The following MID2 variants were observed in gnomAD, a reference collection of about 807,000 sequenced individuals.
MID2 encodes midline 2, also known as probable E3 ubiquitin-protein ligase MID2.
In MID2, 13 loss-of-function variants were observed where a neutral mutation model predicts 46.1. The observed-to-expected ratio is 0.28, with a 90% CI of 0.18 to 0.45. The LOEUF is 0.45. Among genes scored for constraint, MID2 ranks in the 20% least tolerant of loss-of-function variants. The pLI is 1.00. For missense variants in MID2, 431 were observed against 575.4 expected, an observed-to-expected ratio of 0.75 and a Z score of 2.57; for synonymous variants, 199 against 212.3, an observed-to-expected ratio of 0.94 and a Z score of 0.55.
intron 3 of MID2, among the ~76,000 whole-genome samples, chrX:107,873,890 G>A (rs924463652): frequency 6.3e-5 from 7 of 111,955 alleles, no homozygotes; most frequent in Admixed American, 4.7e-4. Context: ...AGTGGCATGG[G>A]CACAGAGGAC....
At position 107,928,218 on chromosome X, in the gene MID2, C is replaced by T. The variant is rs1428526922; in HGVS notation, c.*1145C>T. 9.0e-6 allele frequency among the ~76,000 whole-genome samples: 1 copy of T among 111,694 alleles called. No individual in the cohort carries two copies. The highest frequency in any genetic ancestry group is 1.9e-5 in the Non-Finnish European group (1 of 53,116). On this transcript the variant is annotated 3_prime_UTR_variant, in exon 10 of 10. Coordinates refer to ENST00000262843, the MANE Select transcript of MID2 (RefSeq NM_012216.4). ...AATGTACTTGCTTTTTCAGATAAAA[C>T]ACTTCTGAAGTGCTCAAGAATGTCT...
intron 2 of MID2, among the ~76,000 whole-genome samples, chrX:107,846,763 T>C (rs775807662): frequency 8.9e-6 from 1 of 112,112 alleles, no homozygotes; most frequent in East Asian, 2.8e-4. Flanking sequence ...AGCAAGTAGA[T>C]ACTCCTATTA....
chrX:107,897,921 T>C (rs1330776235), intron 3 of MID2, among the ~76,000 whole-genome samples: 3 of 112,201 alleles, frequency 2.7e-5, no homozygotes, highest in Non-Finnish European at 3.8e-5. Context: ...TCATCAGATG[T>C]CCAATTTACC....
intron 3 of MID2, among the ~76,000 whole-genome samples, chrX:107,880,950 G>C (rs771765946): frequency 8.9e-6 from 1 of 112,857 alleles, no homozygotes; most frequent in African/African-American, 3.2e-5. Context: ...TTTCAAAATT[G>C]TATCTTTTTT....
intron 2 of MID2, among the ~76,000 whole-genome samples, chrX:107,843,048 C>G (rs1274555028): frequency 1.8e-5 from 2 of 112,026 alleles, no homozygotes; most frequent in Admixed American, 1.9e-4. Flanking sequence ...CACAACTGTA[C>G]ATTTCGTGGT....
At position 107,914,701 on chromosome X, in the gene MID2, A is replaced by G. The variant is rs180719220; in HGVS notation, c.1074-1301A>G. Among the ~76,000 whole-genome samples the G allele has an allele frequency of 1.5e-4, 17 of 112,393 alleles. No individual in the cohort carries two copies. In the East Asian group the frequency reaches 4.7e-3, roughly 31 times the overall value. On this transcript the variant is annotated intron_variant, in intron 5 of 9. Coordinates refer to ENST00000262843, the MANE Select transcript of MID2 (RefSeq NM_012216.4). ...TTGGCTCTGATTTAGAAGATCTTGC[A>G]CAGGACTAAAACATGTATATTTTGG...
chrX:107,888,575 A>C (rs1884154705), intron 3 of MID2, among the ~76,000 whole-genome samples: 1 of 112,202 alleles, frequency 8.9e-6, no homozygotes, highest in African/African-American at 3.2e-5. Flanking sequence ...TGTGGTGCTG[A>C]AAAGAATGTA....
At chrX:107,867,693 G>T (rs1396972732) in intron 3 of MID2, among the ~76,000 whole-genome samples, 2 of 111,324 alleles carry the variant, frequency 1.8e-5, no homozygotes, top group Admixed American at 9.5e-5. Flanking sequence ...GGATAGATTT[G>T]AATTATATTT....
chrX:107,896,823 CA>C (rs1343698911), intron 3 of MID2, among the ~76,000 whole-genome samples: 1 of 111,240 alleles, frequency 9.0e-6, no homozygotes, highest in Non-Finnish European at 1.9e-5. Context: ...CACACACACA[CA>C]CACACACGCA....
intron 3 of MID2, among the ~76,000 whole-genome samples, chrX:107,865,559 C>T (rs184724956): frequency 9.8e-4 from 110 of 112,002 alleles, no homozygotes; most frequent in African/African-American, 3.5e-3. Flanking sequence ...TTTCCCTCCC[C>T]GCCCACCCCA....
intron 3 of MID2, among the ~76,000 whole-genome samples, chrX:107,898,486 C>A (rs1932763913): frequency 9.0e-6 from 1 of 111,009 alleles, no homozygotes; most frequent in African/African-American, 3.3e-5. Flanking sequence ...TCTGATTGTC[C>A]TTTTCCAAAT....
At chrX:107,835,786 T>C in intron 1 of MID2, among the ~76,000 whole-genome samples, 1 of 112,114 alleles carries the variant, frequency 8.9e-6, no homozygotes, top group Middle Eastern at 4.6e-3. Flanking sequence ...GATTTGCAAA[T>C]ATTTGCGCCT....
chrX:107,914,216 C>A (rs1343715812), intron 5 of MID2, among the ~76,000 whole-genome samples: 1 of 112,179 alleles, frequency 8.9e-6, no homozygotes, highest in Non-Finnish European at 1.9e-5. Flanking sequence ...CTCCAGTGCC[C>A]AGTACAGTGC....
intron 3 of MID2, among the ~76,000 whole-genome samples, chrX:107,900,040 A>C (rs1303142851): frequency 8.9e-6 from 1 of 111,764 alleles, no homozygotes; most frequent in African/African-American, 3.3e-5. Flanking sequence ...GAAAACACTT[A>C]AGGACCCTGC....
intron 6 of MID2, 123 bp downstream of exon 6, chrX:107,916,252 CATGT>C: frequency 1.9e-6 from 1 of 529,178 alleles, no homozygotes; most frequent in Non-Finnish European, 2.7e-6. Context: ...TAAAATGATG[CATGT>C]GTCTTTTCAG....
chrX:107,869,034 T>C (rs890455782), intron 3 of MID2, among the ~76,000 whole-genome samples: 1 of 111,239 alleles, frequency 9.0e-6, no homozygotes, highest in Non-Finnish European at 1.9e-5. Flanking sequence ...GTATGGCTTC[T>C]GGTTTTTCTG....
chrX:107,857,173 A>T (rs1299471420), intron 3 of MID2, among the ~76,000 whole-genome samples: 1 of 111,682 alleles, frequency 9.0e-6, no homozygotes, highest in Non-Finnish European at 1.9e-5. Flanking sequence ...TGGGTTTAGG[A>T]TTCTGTCTTT....
chrX:107,873,196 G>A (rs773976178), intron 3 of MID2, among the ~76,000 whole-genome samples: 44 of 111,135 alleles, frequency 4.0e-4, no homozygotes, highest in Non-Finnish European at 7.5e-4. Flanking sequence ...GACTTTCTCC[G>A]TCTGACAAGG....
At chrX:107,865,436 T>A (rs1430285063) in intron 3 of MID2, among the ~76,000 whole-genome samples, 3 of 112,460 alleles carry the variant, frequency 2.7e-5, no homozygotes, top group Non-Finnish European at 5.6e-5. Flanking sequence ...TCATCTCTTA[T>A]GTGTGTCTGG....
Sources: gnomAD v4.1 joint callset for allele counts (sites outside exome capture counted in the v4.1 genomes callset) on GRCh38, gnomAD v4.1.1 for gene constraint, MANE v1.5 for transcripts, NCBI Gene and HGNC (gene_info 2026-07-23, HGNC 2026-07-21) for gene names.